Variants in CSMD2 observed in about 807,000 individuals in gnomAD.
CSMD2 encodes the protein CUB and Sushi multiple domains 2.
In CSMD2, 130 loss-of-function variants were observed where a neutral mutation model predicts 398.5. The observed-to-expected ratio is 0.33, with a 90% CI of 0.28 to 0.38. The LOEUF (loss-of-function observed/expected upper bound fraction) is 0.38. CSMD2 is among the 10% of genes least tolerant of loss of function. The pLI is 1.00. For missense variants in CSMD2, 3,829 were observed against 4,764.9 expected (o/e 0.80, Z 5.78); for synonymous variants, 1,828 against 1,908.5 (o/e 0.96, Z 1.10).
chr1:33,951,776 G>T (rs1282838244), intron 3 of CSMD2, among the ~76,000 whole-genome samples: 1 of 152,162 alleles, frequency 6.6e-6, no homozygotes, highest in Non-Finnish European at 1.5e-5. Context: ...CATCTGTCCA[G>T]GTTTTCCTCC....
intron 1 of CSMD2, among the ~76,000 whole-genome samples, chr1:34,151,582 G>A (rs1247862736): frequency 6.6e-6 from 1 of 152,096 alleles, no homozygotes; most frequent in Non-Finnish European, 1.5e-5. Flanking sequence ...GAAAAGAAAG[G>A]AAAAGACATA....
intron 58 of CSMD2, among the ~76,000 whole-genome samples, chr1:33,542,397 G>A (rs1170946300): frequency 2.0e-5 from 3 of 152,236 alleles, no homozygotes; most frequent in Non-Finnish European, 2.9e-5. Context: ...GAATTGGCTA[G>A]AGCCTGAGAA....
intron 6 of CSMD2, among the ~76,000 whole-genome samples, chr1:33,833,685 T>C: frequency 1.3e-5 from 2 of 150,748 alleles, no homozygotes; most frequent in African/African-American, 2.4e-5. Context: ...TAAAGGGTAT[T>C]CAATTAGGAA....
intron 32 of CSMD2, among the ~76,000 whole-genome samples, chr1:33,630,046 T>C (rs915052230): frequency 3.3e-5 from 5 of 151,996 alleles, no homozygotes; most frequent in African/African-American, 1.2e-4. Context: ...TCTCACTCTC[T>C]CATCTTCCTC....
intron 9 of CSMD2, among the ~76,000 whole-genome samples, chr1:33,816,845 C>A (rs766380737): frequency 6.6e-5 from 10 of 152,162 alleles, no homozygotes; most frequent in Non-Finnish European, 8.8e-5. Context: ...AGCTGAGAAC[C>A]TATTATTTGC....
chr1:34,063,766 T>C (rs375959524), intron 2 of CSMD2, among the ~76,000 whole-genome samples: 14 of 152,336 alleles, frequency 9.2e-5, no homozygotes, highest in African/African-American at 3.1e-4. Flanking sequence ...GGAGCTCCGA[T>C]GGGTGCTCCG....
intron 3 of CSMD2, among the ~76,000 whole-genome samples, chr1:33,940,633 T>C (rs182130408): frequency 6.6e-6 from 1 of 152,106 alleles, no homozygotes; most frequent in African/African-American, 2.4e-5. Flanking sequence ...CAGAGCTAGG[T>C]TGAGGACCTC....
intron 3 of CSMD2, among the ~76,000 whole-genome samples, chr1:33,991,370 C>G (rs908958419): frequency 7.2e-5 from 11 of 152,138 alleles, no homozygotes; most frequent in African/African-American, 2.7e-4. Flanking sequence ...GATACACAGT[C>G]CTTGAATCTT....
chr1:34,162,062 C>A (rs1456610158), intron 1 of CSMD2, among the ~76,000 whole-genome samples: 1 of 151,236 alleles, frequency 6.6e-6, no homozygotes. Context: ...ATCACAGCTA[C>A]TCAGGAGGCT....
intron 5 of CSMD2, chr1:33,860,482 G>A (rs1380748882): frequency 1.3e-5 from 2 of 152,136 alleles, no homozygotes; most frequent in African/African-American, 2.4e-5. Flanking sequence ...TTAAAGTGGT[G>A]TCTGCCAGAT....
chr1:34,145,424 G>C (rs1055467473), intron 1 of CSMD2, among the ~76,000 whole-genome samples: 1 of 152,192 alleles, frequency 6.6e-6, no homozygotes, highest in African/African-American at 2.4e-5. Context: ...CCCTCTTGCT[G>C]CCTGGAGGGG....
At chr1:34,037,912 TAC>T (rs1651354438) in intron 2 of CSMD2, among the ~76,000 whole-genome samples, 1 of 152,234 alleles carries the variant, frequency 6.6e-6, no homozygotes, top group African/African-American at 2.4e-5. Flanking sequence ...AACAAACAAT[TAC>T]AGTTTTATCA....
intron 21 of CSMD2, among the ~76,000 whole-genome samples, chr1:33,711,944 G>A (rs2149161711): frequency 6.6e-6 from 1 of 152,310 alleles, no homozygotes; most frequent in East Asian, 1.9e-4. Context: ...TAGAGGGACG[G>A]GGCACTTGCT....
At chr1:33,720,385 G>A (rs1468544562) in intron 19 of CSMD2, among the ~76,000 whole-genome samples, 1 of 152,190 alleles carries the variant, frequency 6.6e-6, no homozygotes, top group Admixed American at 6.5e-5. Flanking sequence ...GCCCAGGGGA[G>A]AAGAGCCCAA....
chr1:33,696,473 G>C (rs1184102224), intron 24 of CSMD2, among the ~76,000 whole-genome samples: 1 of 152,202 alleles, frequency 6.6e-6, no homozygotes, highest in Non-Finnish European at 1.5e-5. Flanking sequence ...CTGATTGAAA[G>C]ATGCCAGGCT....
intron 3 of CSMD2, among the ~76,000 whole-genome samples, chr1:33,956,340 C>A (rs1425196361): frequency 6.6e-6 from 1 of 152,112 alleles, no homozygotes; most frequent in South Asian, 2.1e-4. Flanking sequence ...CCTCCCAGGC[C>A]CTGGCAACCA....
At chr1:33,627,533 C>T (rs1198809880) in intron 32 of CSMD2, among the ~76,000 whole-genome samples, 1 of 152,112 alleles carries the variant, frequency 6.6e-6, no homozygotes, top group Non-Finnish European at 1.5e-5. Context: ...GGCTCTATCT[C>T]CACTACAGTG....
chr1:34,071,921 G>A (rs1329823720), intron 2 of CSMD2, among the ~76,000 whole-genome samples: 1 of 152,224 alleles, frequency 6.6e-6, no homozygotes, highest in Non-Finnish European at 1.5e-5. Flanking sequence ...TTTCAGAGCT[G>A]GAAGAAGCTT....
At chr1:33,757,912 G>A (rs1173389092) in intron 13 of CSMD2, among the ~76,000 whole-genome samples, 2 of 152,142 alleles carry the variant, frequency 1.3e-5, no homozygotes, top group African/African-American at 4.8e-5. Context: ...GAGTCTACCT[G>A]GTGTCCTATT....
Sources: gnomAD v4.1 joint callset for allele counts (sites outside exome capture counted in the v4.1 genomes callset) on GRCh38, gnomAD v4.1.1 for gene constraint, MANE v1.5 for transcripts, NCBI Gene and HGNC (gene_info 2026-07-23, HGNC 2026-07-21) for gene names.